PTPRM: variants seen among roughly 807,000 people sequenced by gnomAD.
The protein encoded by PTPRM is receptor-type tyrosine-protein phosphatase mu.
PTPRM carries 47 observed loss-of-function variants against 186.7 expected under a neutral mutation model. The ratio of observed to expected loss-of-function variants is 0.25; its 90% CI spans 0.20 to 0.32. PTPRM has a LOEUF of 0.32. Among genes scored for constraint, PTPRM ranks in the 10% least tolerant of loss-of-function variants. The pLI is 1.00. For missense variants in PTPRM, 1,494 were observed against 1,865.0 expected, an observed-to-expected ratio of 0.80 and a Z score of 3.66; for synonymous variants, 668 against 674.9, an observed-to-expected ratio of 0.99 and a Z score of 0.16.
chr18:8,233,012 G>A (rs1176988742), intron 14 of PTPRM, among the ~76,000 whole-genome samples: 1 of 152,198 alleles, frequency 6.6e-6, no homozygotes, highest in African/African-American at 2.4e-5. Context: ...TGTCTCAGGA[G>A]ATAACTTCAA....
At chr18:8,096,088 A>T (rs900821478) in intron 11 of PTPRM, among the ~76,000 whole-genome samples, 1 of 152,070 alleles carries the variant, frequency 6.6e-6, no homozygotes, top group African/African-American at 2.4e-5. Context: ...CAATGACTGT[A>T]CGTGTTGAGG....
rs1359733653 is a variant in PTPRM, at chr18:8,240,802, GAGAGAGAGAGAGAGAGAGAGAGAGAA to G, written c.2301-3252_2301-3227del. 3.8e-3 allele frequency among the ~76,000 whole-genome samples: 151 copies of G among 40,032 alleles called. 2 individuals are homozygous for G. Among genetic ancestry groups the G allele is most frequent in the Admixed American group, 9.1e-3 (35 of 3,844 alleles). 26.3% of individuals were successfully genotyped at this position (40,032 alleles called of 152,430 possible). A position where few individuals can be genotyped will look rare whatever the true frequency, so the allele number is the denominator to read the frequency against. On this transcript the variant is annotated intron_variant, in intron 14 of 32. Transcript: ENST00000580170. ...GGAGAGAGAGAGAGAGAGAGAGAGA[GAGAGAGAGAGAGAGAGAGAGAGAGAA>G]AGAAAGAAAGAAAGAAAAGAAAGAA... is the stretch of plus-strand genomic sequence containing the variant.
At chr18:8,282,455 G>A (rs996288117) in intron 19 of PTPRM, among the ~76,000 whole-genome samples, 6 of 152,278 alleles carry the variant, frequency 3.9e-5, no homozygotes, top group South Asian at 2.1e-4. Flanking sequence ...CTGAGGCCAG[G>A]AGTTCGAGAC....
chr18:8,219,675 A>T (rs1418207731), intron 14 of PTPRM, among the ~76,000 whole-genome samples: 2 of 152,214 alleles, frequency 1.3e-5, no homozygotes, highest in Admixed American at 6.5e-5. Context: ...GTGGAGGCTT[A>T]CAAGTCAATA....
At chr18:7,922,361 T>C (rs968657742) in intron 4 of PTPRM, among the ~76,000 whole-genome samples, 1 of 152,248 alleles carries the variant, frequency 6.6e-6, no homozygotes, top group African/African-American at 2.4e-5. Flanking sequence ...CCTTTTTCTC[T>C]GTCCTTAGGG....
At chr18:8,246,843 C>T (rs1214418272) in intron 15 of PTPRM, among the ~76,000 whole-genome samples, 1 of 152,140 alleles carries the variant, frequency 6.6e-6, no homozygotes, top group African/African-American at 2.4e-5. Flanking sequence ...ACGGACTGCT[C>T]CTGGAGAGTT....
At chr18:7,701,170 G>A (rs1274426280) in intron 1 of PTPRM, among the ~76,000 whole-genome samples, 5 of 151,412 alleles carry the variant, frequency 3.3e-5, no homozygotes, top group Admixed American at 6.6e-5. Context: ...TGGGCATGGT[G>A]GCATGTGCCT....
At chr18:7,689,417 T>C (rs1415873302) in intron 1 of PTPRM, among the ~76,000 whole-genome samples, 2 of 152,214 alleles carry the variant, frequency 1.3e-5, no homozygotes, top group African/African-American at 4.8e-5. Context: ...CCACCCCATG[T>C]CTCTTTGAGG....
intron 14 of PTPRM, among the ~76,000 whole-genome samples, chr18:8,156,291 T>C (rs78983494): frequency 0.015 from 2,221 of 152,282 alleles, 49 homozygotes; most frequent in African/African-American, 0.051. Context: ...GGAACATAGC[T>C]ACCAATTTTT....
At chr18:7,982,825 G>A (rs1262243311) in intron 7 of PTPRM, among the ~76,000 whole-genome samples, 2 of 151,968 alleles carry the variant, frequency 1.3e-5, no homozygotes, top group African/African-American at 2.4e-5. Context: ...TATGTGGTTC[G>A]TTGTTGATGG....
At position 8,002,413 on chromosome 18, in the gene PTPRM, G is replaced by C. The variant is rs146881193; in HGVS notation, c.1132+46999G>C. On this transcript the variant is annotated intron_variant, in intron 7 of 32. Coordinates refer to ENST00000580170, the MANE Select transcript of PTPRM (RefSeq NM_001105244.2). ...AGTAGGTTAGAAGTAAGCAAGACTT[G>C]AAACAAAGCAAAAGTCAGAACCACA... Among the ~76,000 whole-genome samples the C allele has an allele frequency of 4.3e-4, 65 of 152,290 alleles. No homozygotes were observed. The East Asian group carries it at 9.8e-3, about 23-fold the overall frequency.
intron 8 of PTPRM, among the ~76,000 whole-genome samples, chr18:8,070,587 GC>G (rs1568290287): frequency 6.6e-6 from 1 of 151,964 alleles, no homozygotes; most frequent in East Asian, 1.9e-4. Flanking sequence ...CACCAGTAAC[GC>G]ATCAAAAAAG....
chr18:7,904,602 T>C (rs760727414), intron 3 of PTPRM, among the ~76,000 whole-genome samples: 5 of 152,208 alleles, frequency 3.3e-5, no homozygotes, highest in African/African-American at 7.2e-5. Flanking sequence ...ATTAATTTGC[T>C]CCTTTTTATT....
Position 8,336,966 on chromosome 18 carries a change from C to T in PTPRM, c.2957-6457C>T, listed in dbSNP as rs139363350. Among the ~76,000 whole-genome samples, 1,351 of 150,152 alleles carry T rather than the reference C, an allele frequency of 9.0e-3. 6 individuals carry two copies. Among genetic ancestry groups the T allele is most frequent in the African/African-American group, 0.015 (591 of 40,690 alleles). The stretch of plus-strand genomic sequence containing the variant: ...CACTCCAGCCTGGCAACAGAGCAAT[C>T]GTCAAAAAAATGTATATAATAATAC... On this transcript the variant is annotated intron_variant, in intron 22 of 32. Transcript: ENST00000580170.
chr18:8,112,811 C>A (rs781086325), intron 11 of PTPRM, among the ~76,000 whole-genome samples: 1 of 152,168 alleles, frequency 6.6e-6, no homozygotes, highest in Non-Finnish European at 1.5e-5. Context: ...TTCAGAGATA[C>A]CCAGCCCATT....
At chr18:7,718,714 C>T (rs1196859492) in intron 1 of PTPRM, among the ~76,000 whole-genome samples, 1 of 151,836 alleles carries the variant, frequency 6.6e-6, no homozygotes, top group Non-Finnish European at 1.5e-5. Context: ...ACAAATCAGC[C>T]AGAAAGAAAT....
intron 2 of PTPRM, among the ~76,000 whole-genome samples, chr18:7,802,925 A>C (rs957826468): frequency 1.1e-4 from 17 of 152,328 alleles, no homozygotes; most frequent in Non-Finnish European, 1.8e-4. Flanking sequence ...TTCTAATTGT[A>C]TAATGGCAGT....
In PTPRM at chr18:8,406,685, G is replaced by A. The variant is rs751941484; in HGVS notation, c.*523G>A. The A allele has an allele frequency of 6.5e-6, 1 of 153,046 alleles. No homozygotes were observed. The highest frequency in any genetic ancestry group is 6.5e-5 in the Admixed American group (1 of 15,402). 9.5% of individuals were successfully genotyped at this position (153,046 alleles called of 1,614,324 possible). On this transcript the variant is annotated 3_prime_UTR_variant, in exon 33 of 33. Transcript: ENST00000580170. ...ACAAAGATATGTTGTATGAGTCGTC[G>A]TTTCTGTCAGATTTGTATTGTTTCC...
At chr18:8,043,534 G>GT (rs1266192124) in intron 7 of PTPRM, among the ~76,000 whole-genome samples, 1 of 151,714 alleles carries the variant, frequency 6.6e-6, no homozygotes, top group Non-Finnish European at 1.5e-5. Flanking sequence ...TACTGATGCT[G>GT]TTTTTTTGAG....
Sources: allele counts gnomAD v4.1 joint callset (sites outside exome capture counted in the v4.1 genomes callset), GRCh38; gene constraint gnomAD v4.1.1; transcripts MANE v1.5; gene names NCBI Gene and HGNC (gene_info 2026-07-23, HGNC 2026-07-21).